Variants in NIPSNAP1 observed in about 807,000 individuals in gnomAD.
NIPSNAP1 encodes the protein protein NipSnap homolog 1.
A neutral mutation model predicts 49.2 loss-of-function variants in NIPSNAP1; 25 were observed. That is an observed-to-expected ratio of 0.51 (90% confidence interval 0.37 to 0.71). NIPSNAP1 has a LOEUF of 0.71. Among genes scored for constraint, NIPSNAP1 ranks in the 30% least tolerant of loss-of-function variants. NIPSNAP1 has a pLI of 0.00. For synonymous variants in NIPSNAP1, 143 were observed against 140.7 expected (o/e 1.02, Z -0.12); for missense variants, 294 against 361.0 (o/e 0.81, Z 1.50).
chr22:29,557,631 A>G (rs1026354188), intron 9 of NIPSNAP1, among the ~76,000 whole-genome samples: 19 of 151,592 alleles, frequency 1.3e-4, no homozygotes, highest in African/African-American at 1.9e-4. Context: ...GGGTCTCCCT[A>G]TGTTGCCCAG....
chr22:29,562,453 C>T (rs1251225834), intron 4 of NIPSNAP1, among the ~76,000 whole-genome samples: 1 of 152,202 alleles, frequency 6.6e-6, no homozygotes, highest in Admixed American at 6.5e-5. Flanking sequence ...GTGGCTCACA[C>T]CTGTAATCCC....
At chr22:29,576,696 C>A (rs1290335262) in intron 1 of NIPSNAP1, among the ~76,000 whole-genome samples, 1 of 151,362 alleles carries the variant, frequency 6.6e-6, no homozygotes, top group African/African-American at 2.5e-5. Context: ...GAAGCCGAGG[C>A]GGGTGGATCA....
chr22:29,560,883 G>C (rs2064330763), intron 7 of NIPSNAP1, 55 bp from the exon 8 acceptor site: 1 of 1,519,614 alleles, frequency 6.6e-7, no homozygotes, highest in Admixed American at 1.7e-5. Context: ...AGAGGGTACT[G>C]AGGCTGATTC....
intron 4 of NIPSNAP1, among the ~76,000 whole-genome samples, chr22:29,563,009 G>T (rs370744285): frequency 6.6e-6 from 1 of 151,586 alleles, no homozygotes; most frequent in Non-Finnish European, 1.5e-5. Context: ...TGAAGCAGGA[G>T]AATGGCATGA....
chr22:29,571,844 C>T (rs943469321), intron 1 of NIPSNAP1, among the ~76,000 whole-genome samples: 2 of 151,568 alleles, frequency 1.3e-5, no homozygotes, highest in Non-Finnish European at 2.9e-5. Context: ...GGTGCGATCT[C>T]GGCTCACTGC....
intron 8 of NIPSNAP1, among the ~76,000 whole-genome samples, chr22:29,559,405 T>C (rs1449829063): frequency 6.6e-6 from 1 of 152,034 alleles, no homozygotes; most frequent in Non-Finnish European, 1.5e-5. Flanking sequence ...GGCATGGTAC[T>C]GCATGCCTGT....
In NIPSNAP1 at chr22:29,570,437, T is replaced by C. The variant is rs538441678; in HGVS notation, c.194A>G (p.Lys65Arg). ...RKDAHSTLLS[K>R]KETSNLYKIQ... ...CTTATAGAGGTTGCTGGTTTCCTTC[T>C]TGGACAGCAGGGTGGAGTGGGCATC... Residue 65 changes from lysine to arginine, a missense_variant, in exon 2 of 10, where the codon AAG becomes AGG. Physicochemically the swap from Lys to Arg is conservative, Grantham distance 26. Transcript: ENST00000216121. The C allele has an allele frequency of 1.2e-6, 2 of 1,614,132 alleles. No individual in the cohort carries two copies. Among genetic ancestry groups the C allele is most frequent in the Admixed American group, 1.7e-5 (1 of 60,008 alleles).
rs2064400690 is a variant in NIPSNAP1, at chr22:29,570,533, C to G, written c.99-1G>C. ...GCCTTCATTGTCCTTGGAATAGAAA[C>G]TGCAGGACAGAGGAGTTGAGGGGGA... On this transcript the variant is annotated splice_acceptor_variant, in intron 1 of 9. Coordinates refer to ENST00000216121, the MANE Select transcript of NIPSNAP1 (RefSeq NM_003634.4). LOFTEE classifies it high-confidence loss of function. 4.3e-6 allele frequency: 7 copies of G among 1,613,126 alleles called. No homozygotes were observed. The highest frequency in any genetic ancestry group is 5.9e-6 in the Non-Finnish European group (7 of 1,179,654).
In NIPSNAP1 at chr22:29,569,235, C is replaced by G. The variant is rs771705391; in HGVS notation, c.325G>C (p.Val109Leu). The change falls in exon 4 of 10, where the codon GTG (valine) becomes CTG (leucine). Residue 109 changes from valine to leucine, a missense_variant. Physicochemically the swap from Val to Leu is conservative, Grantham distance 32. This residue lies in a region of NIPSNAP1 where 55 missense variants were observed against 46.2 expected (regional missense o/e 1.19). Transcript: ENST00000216121. ...CCATACCACGTGTTCCAGTTGCCCACGAGTGAGCATGGGTAGTCCTCATCC... is the reference window on the plus strand; with the variant it reads ...CCATACCACGTGTTCCAGTTGCCCAGGAGTGAGCATGGGTAGTCCTCATCC... ...HLDEDYPCSL[V>L]GNWNTWYGEQ... The G allele has an allele frequency of 1.9e-6, 3 of 1,613,908 alleles. No individual in the cohort carries two copies. The highest frequency in any genetic ancestry group is 2.5e-6 in the Non-Finnish European group (3 of 1,179,994).
Position 29,580,986 on chromosome 22 carries a change from G to T in NIPSNAP1, c.97C>A (p.Arg33Ser). 1 of 1,529,988 alleles carries T rather than the reference G, an allele frequency of 6.5e-7. No homozygotes were observed. 94.8% of individuals were successfully genotyped at this position (1,529,988 alleles called of 1,614,324 possible). A position where few individuals can be genotyped will look rare whatever the true frequency, so the allele number is the denominator to read the frequency against. The change falls in exon 1 of 10, where the codon CGT (arginine) becomes AGT (serine). Residue 33 changes from arginine to serine, a missense_variant and splice_region_variant. Arg to Ser is a moderately radical substitution (Grantham distance 110). Coordinates refer to ENST00000216121, the MANE Select transcript of NIPSNAP1 (RefSeq NM_003634.4). The part of the protein sequence containing the change: ...AGDVASAAAA[R>S]FYSKDNEGSW... The stretch of plus-strand genomic sequence containing the variant: ...ATCCCTGCCTGGCCGGGCTCTCACC[G>T]CGCCGCAGCTGCAGACGCAACGTCC...
At chr22:29,575,915 T>C (rs2064448498) in intron 1 of NIPSNAP1, among the ~76,000 whole-genome samples, 1 of 151,958 alleles carries the variant, frequency 6.6e-6, no homozygotes, top group Admixed American at 6.6e-5. Flanking sequence ...GTTTTCACCA[T>C]GTTAGCCAGG....
chr22:29,580,959 C>T, intron 1 of NIPSNAP1, 26 bp downstream of exon 1: 1 of 1,519,242 alleles, frequency 6.6e-7, no homozygotes, highest in Non-Finnish European at 8.8e-7. Flanking sequence ...CCGCGCGCGT[C>T]TATCCCTGCC....
chr22:29,580,906 T>TC (rs892690344), intron 1 of NIPSNAP1, 79 bp downstream of exon 1: 2 of 1,087,300 alleles, frequency 1.8e-6, no homozygotes, highest in African/African-American at 1.8e-5. Flanking sequence ...TCTCAGCCCC[T>TC]CCCCCACGAC....
intron 1 of NIPSNAP1, chr22:29,580,399 C>G (rs749223926): frequency 1.2e-4 from 52 of 434,426 alleles, no homozygotes; most frequent in Non-Finnish European, 1.6e-4. Context: ...CAGGAGGCCA[C>G]CAGTTGGGTG....
At chr22:29,580,345 A>G (rs2064488520) in intron 1 of NIPSNAP1, 3 of 890,908 alleles carry the variant, frequency 3.4e-6, no homozygotes, top group Non-Finnish European at 4.0e-6. Context: ...GGCCCAAACA[A>G]AAGCCCAGGC....
chr22:29,568,045 G>A (rs2146609243), intron 4 of NIPSNAP1, among the ~76,000 whole-genome samples: 2 of 151,450 alleles, frequency 1.3e-5, no homozygotes, highest in South Asian at 4.2e-4. Flanking sequence ...CGAGCATGGT[G>A]GAGCGCACCT....
At chr22:29,560,283 C>T (rs1332453680) in intron 8 of NIPSNAP1, among the ~76,000 whole-genome samples, 1 of 150,294 alleles carries the variant, frequency 6.7e-6, no homozygotes, top group South Asian at 2.1e-4. Context: ...GAGTCTCGCT[C>T]TGTTGCCAGG....
chr22:29,575,448 T>C (rs2064444225), intron 1 of NIPSNAP1, among the ~76,000 whole-genome samples: 1 of 152,118 alleles, frequency 6.6e-6, no homozygotes, highest in Non-Finnish European at 1.5e-5. Context: ...AGAAGGAGCT[T>C]GTCAAAGATC....
chr22:29,568,496 G>GAAAAAAA (rs695602), intron 4 of NIPSNAP1, among the ~76,000 whole-genome samples: 1 of 111,468 alleles, frequency 9.0e-6, no homozygotes. Context: ...AAAGAAAAAA[G>GAAAAAAA]AAAAAAAAAA....
Sources: allele counts gnomAD v4.1 joint callset (sites outside exome capture counted in the v4.1 genomes callset), GRCh38; gene constraint gnomAD v4.1.1; regional missense constraint gnomAD v4.1.1; transcripts MANE v1.5; gene names NCBI Gene and HGNC (gene_info 2026-07-23, HGNC 2026-07-21).